Variants in UTS2 observed in about 807,000 individuals in gnomAD.
UTS2 encodes urotensin 2, also known as urotensin-2.
A neutral mutation model predicts 12.6 loss-of-function variants in UTS2; 10 were observed. That is an observed-to-expected ratio of 0.80 (90% CI 0.49 to 1.35). UTS2 has a LOEUF of 1.35. Among genes scored for constraint, UTS2 ranks in the 40% most tolerant of loss-of-function variants. The pLI is 0.00. For synonymous variants in UTS2, 52 were observed against 50.0 expected (o/e 1.04, Z -0.17); for missense variants, 142 against 143.2 (o/e 0.99, Z 0.04).
the UTS2 span, among the ~76,000 whole-genome samples, chr1:7,881,822 A>C: frequency 6.6e-6 from 1 of 152,226 alleles, no homozygotes; most frequent in South Asian, 2.1e-4. Context: ...GAATAGCCAA[A>C]GCAATGCTGA....
chr1:7,878,088 C>T, the UTS2 span, among the ~76,000 whole-genome samples: 5 of 152,220 alleles, frequency 3.3e-5, no homozygotes, highest in Non-Finnish European at 7.3e-5. Context: ...CAGCAGATTT[C>T]TCAGCAGGCC....
the UTS2 span, among the ~76,000 whole-genome samples, chr1:7,912,293 T>C: frequency 2.0e-5 from 3 of 152,198 alleles, no homozygotes; most frequent in African/African-American, 7.2e-5. Context: ...TTGGGACTTT[T>C]GGAGCTCACC....
chr1:7,891,536 A>AAAAGGAAGAAAG, the UTS2 span, among the ~76,000 whole-genome samples: 1 of 109,820 alleles, frequency 9.1e-6, no homozygotes, highest in African/African-American at 3.6e-5. Flanking sequence ...AGAAAGAAAG[A>AAAAGGAAGAAAG]AAAGAAAGAA....
At chr1:7,858,363 A>G (rs1638356471), upstream of UTS2, among the ~76,000 whole-genome samples, 1 of 152,208 alleles carries the variant, frequency 6.6e-6, no homozygotes, top group Admixed American at 6.5e-5. Flanking sequence ...AGCTGCAAAC[A>G]AAGTAACTTC....
chr1:7,884,797 C>T, the UTS2 span, among the ~76,000 whole-genome samples: 1 of 151,950 alleles, frequency 6.6e-6, no homozygotes, highest in Admixed American at 6.6e-5. Flanking sequence ...CATCCACCTA[C>T]CCACCCATCC....
chr1:7,911,762 G>A, the UTS2 span, among the ~76,000 whole-genome samples: 404 of 152,194 alleles, frequency 2.7e-3, 4 homozygotes, highest in African/African-American at 9.3e-3. Context: ...ATTAGCGGGA[G>A]TGGTGGCAGG....
chr1:7,885,949 T>G, the UTS2 span, among the ~76,000 whole-genome samples: 69,993 of 138,420 alleles, frequency 0.51, 20,452 homozygotes, highest in African/African-American at 0.77. Flanking sequence ...ACCCTGGGCC[T>G]GTGTGGCCCT....
chr1:7,881,483 C>T, the UTS2 span, among the ~76,000 whole-genome samples: 2 of 152,218 alleles, frequency 1.3e-5, no homozygotes, highest in African/African-American at 2.4e-5. Flanking sequence ...TGTTCCCATA[C>T]ACCAATAATG....
the UTS2 span, among the ~76,000 whole-genome samples, chr1:7,870,694 T>C: frequency 6.6e-6 from 1 of 152,230 alleles, no homozygotes; most frequent in African/African-American, 2.4e-5. Context: ...TCCTCCAGTG[T>C]AGAGAATAGA....
At chr1:7,878,053 G>C in the UTS2 span, among the ~76,000 whole-genome samples, 34,733 of 152,114 alleles carry the variant, frequency 0.23, 4,664 homozygotes, top group African/African-American at 0.35. Flanking sequence ...CAAGAGAAAA[G>C]TGTCAAGTCA....
chr1:7,904,237 G>A, the UTS2 span, among the ~76,000 whole-genome samples: 14 of 151,920 alleles, frequency 9.2e-5, no homozygotes, highest in East Asian at 3.9e-4. Context: ...GGCCCAAGGC[G>A]GAAGGATAGC....
At chr1:7,904,820 C>T in the UTS2 span, among the ~76,000 whole-genome samples, 1 of 139,342 alleles carries the variant, frequency 7.2e-6, no homozygotes, top group East Asian at 2.3e-4. Context: ...AGGAGAATCG[C>T]TTGAACCCGG....
chr1:7,884,882 C>G, the UTS2 span, among the ~76,000 whole-genome samples: 1 of 151,258 alleles, frequency 6.6e-6, no homozygotes, highest in Admixed American at 6.6e-5. Flanking sequence ...CATCCATCCA[C>G]CCATCCATCC....
the UTS2 span, among the ~76,000 whole-genome samples, chr1:7,883,344 G>A: frequency 8.5e-5 from 13 of 152,290 alleles, no homozygotes; most frequent in East Asian, 2.5e-3. Flanking sequence ...ATCTCATGGA[G>A]GTAGAGAGTA....
intron 3 of UTS2, 135 bp from the exon 4 acceptor site, chr1:7,848,017 T>A (rs1171870576): frequency 3.0e-6 from 2 of 671,652 alleles, no homozygotes; most frequent in Non-Finnish European, 5.0e-6. Flanking sequence ...TTCCCTGGAC[T>A]ATAATTGTAA....
At chr1:7,881,031 G>C in the UTS2 span, among the ~76,000 whole-genome samples, 3 of 147,534 alleles carry the variant, frequency 2.0e-5, no homozygotes, top group South Asian at 6.5e-4. Context: ...ACACAATGAA[G>C]GACAAAAAAT....
the UTS2 span, among the ~76,000 whole-genome samples, chr1:7,872,438 GA>G: frequency 6.6e-6 from 1 of 152,000 alleles, no homozygotes; most frequent in Admixed American, 6.6e-5. Context: ...ACTGGCAAAG[GA>G]AAAGCTCTTG....
chr1:7,884,917 TTCATCCATCCAC>T, the UTS2 span, among the ~76,000 whole-genome samples: 11 of 146,812 alleles, frequency 7.5e-5, no homozygotes, highest in African/African-American at 2.8e-4. Flanking sequence ...CATGCATCCA[TTCATCCATCCAC>T]TCACCTATCA....
At chr1:7,905,677 A>C in the UTS2 span, among the ~76,000 whole-genome samples, 38 of 152,256 alleles carry the variant, frequency 2.5e-4, no homozygotes, top group African/African-American at 9.1e-4. Flanking sequence ...CTCCAGGCTT[A>C]ATACTGCAAC....
Sources: gnomAD v4.1 joint callset for allele counts (sites outside exome capture counted in the v4.1 genomes callset) on GRCh38, gnomAD v4.1.1 for gene constraint, MANE v1.5 for transcripts, NCBI Gene and HGNC (gene_info 2026-07-23, HGNC 2026-07-21) for gene names.